SERINC4: variants seen among roughly 807,000 people sequenced by gnomAD.
SERINC4 encodes the protein serine incorporator 4.
SERINC4 carries 52 observed loss-of-function variants against 52.0 expected under a neutral mutation model. That is an observed-to-expected ratio of 1.00 (90% CI 0.80 to 1.26). The LOEUF (loss-of-function observed/expected upper bound fraction) is 1.26, where lower values mean the gene tolerates loss of function less well. SERINC4 is among the 50% of genes most tolerant of loss of function. The pLI is 0.00. For missense variants in SERINC4, 723 were observed against 632.8 expected, an observed-to-expected ratio of 1.14 and a Z score of -1.53; for synonymous variants, 264 against 247.7, an observed-to-expected ratio of 1.07 and a Z score of -0.62.
intron 10 of SERINC4, 31 bp downstream of exon 10, chr15:43,795,657 C>T (rs2087196304): frequency 3.7e-6 from 6 of 1,612,566 alleles, no homozygotes; most frequent in Non-Finnish European, 5.1e-6. Flanking sequence ...AGAGATCTAC[C>T]ACTTCTTATG....
intron 11 of SERINC4, 32 bp downstream of exon 11, chr15:43,795,355 TC>T (rs2087185006): frequency 6.2e-7 from 1 of 1,612,500 alleles, no homozygotes; most frequent in African/African-American, 1.3e-5. Flanking sequence ...AGCTAGCTCT[TC>T]AGGAGAGTAT....
chr15:43,798,904 C>A, intron 3 of SERINC4, 55 bp downstream of exon 3: 1 of 1,520,900 alleles, frequency 6.6e-7, no homozygotes, highest in Non-Finnish European at 8.9e-7. Context: ...CTTTACCCAG[C>A]CTATGTCTAC....
rs2087185677 is a variant in SERINC4 at position 43,795,373 on chromosome 15, C to G, written c.1343+15G>C. The G allele has an allele frequency of 6.2e-7, 1 of 1,613,798 alleles. No individual in the cohort carries two copies. Among genetic ancestry groups the G allele is most frequent in the Non-Finnish European group, 8.5e-7 (1 of 1,179,722 alleles). The stretch of plus-strand genomic sequence containing the variant: ...TAGCTCTTCAGGAGAGTATCTAAGG[C>G]CCACTCCATCTTACCTGAACCAGTT... On this transcript the variant is annotated intron_variant, in intron 11 of 11. Transcript: ENST00000319327.
chr15:43,795,799 A>G, intron 9 of SERINC4, 63 bp from the exon 10 acceptor site: 4 of 1,546,266 alleles, frequency 2.6e-6, no homozygotes, highest in South Asian at 1.2e-5. Flanking sequence ...AATCTAGGAA[A>G]CTTCCCCCGT....
rs778999629 is a variant in SERINC4, at chr15:43,795,550, A to G, written c.1190-9T>C. The stretch of plus-strand genomic sequence containing the variant: ...AGCCCCACCCCTTTGCCCTGGAGAG[A>G]GGAAATGGCTGCTGGGAGCAGAGCT... On this transcript the variant is annotated splice_polypyrimidine_tract_variant and intron_variant, in intron 10 of 11. Transcript: ENST00000319327. 2 of 1,614,010 alleles carry G rather than the reference A, an allele frequency of 1.2e-6. No homozygotes were observed. Among genetic ancestry groups the G allele is most frequent in the South Asian group, 2.2e-5 (2 of 91,058 alleles).
At chr15:43,798,053 CTT>C (rs751738258) in intron 4 of SERINC4, 40 bp from the exon 5 acceptor site, 7,269 of 1,159,730 alleles carry the variant, frequency 6.3e-3, no homozygotes, top group Non-Finnish European at 6.8e-3. Flanking sequence ...CAAATTGTTA[CTT>C]TTTTTTTTTT....
At chr15:43,797,432 G>T in intron 5 of SERINC4, 76 bp from the exon 6 acceptor site, 2 of 1,164,148 alleles carry the variant, frequency 1.7e-6, no homozygotes, top group East Asian at 2.6e-5. Context: ...TTGCTCTGTT[G>T]CCCAGGCTGG....
chr15:43,796,076 G>T (rs555552798), intron 9 of SERINC4, 79 bp downstream of exon 9: 1 of 1,026,724 alleles, frequency 9.7e-7, no homozygotes, highest in Admixed American at 1.7e-5. Flanking sequence ...GAGCATTCTG[G>T]GTAGAGGTTG....
In SERINC4 at chr15:43,795,668, GT is replaced by G. The variant is rs1233681910; in HGVS notation, c.1189+19del. 6.2e-7 allele frequency: 1 copy of G among 1,613,550 alleles called. No homozygotes were observed. Among genetic ancestry groups the G allele is most frequent in the Admixed American group, 1.7e-5 (1 of 59,992 alleles). On this transcript the variant is annotated intron_variant, in intron 10 of 11. Transcript: ENST00000319327. ...CCACAGAGATCTACCACTTCTTATG[GT>G]TCCTCACTTGGCACTCACCTTTGTC...
rs1268384150 is a variant in SERINC4 at position 43,796,838 on chromosome 15, C to T, written c.940+7G>A. 3.1e-6 allele frequency: 5 copies of T among 1,613,566 alleles called. No homozygotes were observed. The highest frequency in any genetic ancestry group is 4.2e-6 in the Non-Finnish European group (5 of 1,179,628). On this transcript the variant is annotated splice_region_variant and intron_variant, in intron 7 of 11. Transcript: ENST00000319327. ...TTAGCATGGAGAATCCAGGTCCTGT[C>T]CCTTACCTCTCTCTGGAGGACGGCT...
At position 43,795,556 on chromosome 15, in the gene SERINC4, TGGC is replaced by T; in HGVS notation, c.1190-18_1190-16del. 6.2e-7 allele frequency: 1 copy of T among 1,613,990 alleles called. No individual in the cohort carries two copies. The highest frequency in any genetic ancestry group is 1.1e-5 in the South Asian group (1 of 91,072). On this transcript the variant is annotated splice_polypyrimidine_tract_variant and intron_variant, in intron 10 of 11. Coordinates refer to ENST00000319327, the MANE Select transcript of SERINC4 (RefSeq NM_001258031.2). Reference sequence around the variant, plus strand: ...ACCCCTTTGCCCTGGAGAGAGGAAATGGCTGCTGGGAGCAGAGCTGCTGAAACA... The same window carrying T: ...ACCCCTTTGCCCTGGAGAGAGGAAATTGCTGGGAGCAGAGCTGCTGAAACA...
chr15:43,795,157 CA>C lies in SERINC4; in HGVS notation c.1399del (p.Trp467GlyfsTer35). ...TFIKGSWATFWVKVASCWACV... is the reference protein window; with the variant it reads ...TFIKGSWATFXVKVASCWACV... ...GGCCCAGCATGAGGCAACCTTGACC[CA>C]GAAGGTGGCCCAGCTACCCTTGATG... On this transcript the variant is annotated frameshift_variant, in exon 12 of 12. Coordinates refer to ENST00000319327, the MANE Select transcript of SERINC4 (RefSeq NM_001258031.2). LOFTEE classifies it low-confidence loss of function (END_TRUNC). 1 of 1,614,122 alleles carries C rather than the reference CA, an allele frequency of 6.2e-7. No individual in the cohort carries two copies. The highest frequency in any genetic ancestry group is 8.5e-7 in the Non-Finnish European group (1 of 1,180,024).
At position 43,796,862 on chromosome 15, in the gene SERINC4, C is replaced by G. The variant is rs1325449240; in HGVS notation, c.923G>C (p.Ser308Thr). 1.2e-6 allele frequency: 2 copies of G among 1,614,096 alleles called. No individual in the cohort carries two copies. The highest frequency in any genetic ancestry group is 1.1e-5 in the South Asian group (1 of 91,082). Residue 308 changes from serine (S) to threonine (T), a missense_variant, in exon 7 of 12, where the codon AGC (serine) becomes ACC (threonine). Transcript: ENST00000319327. ...TCCCTTACCTCTCTCTGGAGGACGG[C>G]TGGACAGTGCAGAGAAAGTCAGATA... is the stretch of plus-strand genomic sequence containing the variant. ...IMYLTFSALS[S>T]RPPERVILQG...
intron 4 of SERINC4, 88 bp downstream of exon 4, chr15:43,798,337 C>T: frequency 9.7e-7 from 1 of 1,032,548 alleles, no homozygotes. Flanking sequence ...GCGTGAGCCA[C>T]TGCACCCGGC....
chr15:43,797,200 G>A lies in SERINC4; in HGVS notation c.789C>T (p.His263=). The change falls in exon 6 of 12, where the codon CAC becomes CAT. Residue 263 remains histidine, a synonymous_variant. Transcript: ENST00000319327. Reference sequence around the variant, plus strand: ...AGGAGATGAGGCCACAGAAGCAAAGGTGCAGACTGAGGAGCATCTTGTTAA... The same window carrying A: ...AGGAGATGAGGCCACAGAAGCAAAGATGCAGACTGAGGAGCATCTTGTTAA... ...CLLNKMLLSL[H]LCFCGLISFL... The A allele has an allele frequency of 6.4e-7, 1 of 1,551,012 alleles. No homozygotes were observed. Among genetic ancestry groups the A allele is most frequent in the South Asian group, 1.2e-5 (1 of 84,064 alleles).
intron 9 of SERINC4, 118 bp from the exon 10 acceptor site, chr15:43,795,854 C>A (rs921938930): frequency 1.0e-6 from 1 of 982,846 alleles, no homozygotes; most frequent in Non-Finnish European, 1.5e-6. Flanking sequence ...CACCTGGGTT[C>A]AAATTCTAGC....
At position 43,797,922 on chromosome 15, in the gene SERINC4, G is replaced by C; in HGVS notation, c.630C>G (p.Asn210Lys). The stretch of plus-strand genomic sequence containing the variant: ...CTTTAGGGTTATGTGCCCCTTACCA[G>C]TTCTTGTTCCAGGAATGGGCAAAAG... Reference protein sequence around the residue: ...ITAFAHSWNKNWQTGAAQDCS... With the variant: ...ITAFAHSWNKKWQTGAAQDCS... Residue 210 changes from asparagine to lysine, a missense_variant and splice_region_variant, in exon 5 of 12, where the codon AAC becomes AAG. Asn to Lys is a moderately conservative substitution (Grantham distance 94). Transcript: ENST00000319327. The C allele has an allele frequency of 6.2e-7, 1 of 1,610,658 alleles. No individual in the cohort carries two copies. The highest frequency in any genetic ancestry group is 8.5e-7 in the Non-Finnish European group (1 of 1,176,934).
At position 43,796,187 on chromosome 15, in the gene SERINC4, A is replaced by G; in HGVS notation, c.1108T>C (p.Trp370Arg). 1 of 1,614,004 alleles carries G rather than the reference A, an allele frequency of 6.2e-7. No individual in the cohort carries two copies. Among genetic ancestry groups the G allele is most frequent in the Non-Finnish European group, 8.5e-7 (1 of 1,179,894 alleles). The change falls in exon 9 of 12, where the codon TGG (tryptophan) becomes CGG (arginine). Residue 370 changes from tryptophan to arginine, a missense_variant. Coordinates refer to ENST00000319327, the MANE Select transcript of SERINC4 (RefSeq NM_001258031.2). ...SYLAEVFGPL[W>R]IVKVYSYEFQ... Reference sequence around the variant, plus strand: ...TCATAGCTGTAAACCTTGACAATCCACAGGGGTCCAAATACCTCAGCCAGG... The same window carrying G: ...TCATAGCTGTAAACCTTGACAATCCGCAGGGGTCCAAATACCTCAGCCAGG...
At position 43,794,893 on chromosome 15, in the gene SERINC4, GA is replaced by G; in HGVS notation, c.*106del. ...CATAGTATTGACTTCAGCCCAAACG[GA>G]GATAACTCCCTGTGTGTCCTTGAGG... On this transcript the variant is annotated 3_prime_UTR_variant, in exon 12 of 12. Coordinates refer to ENST00000319327, the MANE Select transcript of SERINC4 (RefSeq NM_001258031.2). 1 of 842,102 alleles carries G rather than the reference GA, an allele frequency of 1.2e-6. No individual in the cohort carries two copies. The highest frequency in any genetic ancestry group is 1.9e-6 in the Non-Finnish European group (1 of 530,954). The allele number at this position is 842,102 out of a possible 1,614,324, so 52.2% of individuals were successfully genotyped here. A position where few individuals can be genotyped will look rare whatever the true frequency, so the allele number is the denominator to read the frequency against.
Sources: gnomAD v4.1 joint callset for allele counts on GRCh38, gnomAD v4.1.1 for gene constraint, MANE v1.5 for transcripts, NCBI Gene and HGNC (gene_info 2026-07-23, HGNC 2026-07-21) for gene names.